The following SPAG17 variants were observed in gnomAD, a reference collection of about 807,000 sequenced individuals.
SPAG17 encodes the protein sperm associated antigen 17.
A neutral mutation model predicts 273.6 loss-of-function variants in SPAG17; 169 were observed. The ratio of observed to expected loss-of-function variants is 0.62; its 90% confidence interval spans 0.55 to 0.70. The LOEUF (loss-of-function observed/expected upper bound fraction) is 0.70. SPAG17 is among the 30% of genes least tolerant of loss of function. The pLI is 0.00. For synonymous variants in SPAG17, 825 were observed against 873.2 expected (o/e 0.94, Z 0.97); for missense variants, 2,557 against 2,627.8 (o/e 0.97, Z 0.59).
chr1:118,013,669 T>A (rs1316820282), intron 29 of SPAG17, among the ~76,000 whole-genome samples: 1 of 152,164 alleles, frequency 6.6e-6, no homozygotes. Context: ...ATGTTAGTAA[T>A]TATTGATAGC....
chr1:117,975,705 TC>T (rs1332306322), intron 43 of SPAG17, among the ~76,000 whole-genome samples: 1 of 152,200 alleles, frequency 6.6e-6, no homozygotes, highest in African/African-American at 2.4e-5. Flanking sequence ...CAAAACAGAA[TC>T]AGAATATCTG....
chr1:118,124,036 G>A (rs1013755410), intron 3 of SPAG17, among the ~76,000 whole-genome samples: 4 of 152,168 alleles, frequency 2.6e-5, no homozygotes, highest in South Asian at 2.1e-4. Context: ...GAAGGAAAAA[G>A]CAAAGCTTCC....
chr1:118,038,779 G>T (rs1649384327), intron 23 of SPAG17, among the ~76,000 whole-genome samples: 1 of 152,092 alleles, frequency 6.6e-6, no homozygotes. Flanking sequence ...AGGAGGGAGA[G>T]ATGAATAGAC....
chr1:118,080,957 G>A (rs1654503867), intron 15 of SPAG17, 144 bp downstream of exon 15: 9 of 657,094 alleles, frequency 1.4e-5, no homozygotes, highest in Middle Eastern at 4.3e-4. Context: ...AGAACTTATG[G>A]AACAACAATA....
intron 3 of SPAG17, among the ~76,000 whole-genome samples, chr1:118,135,227 A>G (rs1228049654): frequency 2.0e-5 from 3 of 152,196 alleles, no homozygotes; most frequent in Non-Finnish European, 4.4e-5. Context: ...GGCTTGCTGA[A>G]AGGCCAGGAA....
Position 118,063,126 on chromosome 1 carries a change from G to A in SPAG17, c.2540+3619C>T, listed in dbSNP as rs975350436. On this transcript the variant is annotated intron_variant, in intron 18 of 48. Transcript: ENST00000336338. The stretch of plus-strand genomic sequence containing the variant: ...AAGAACATTCCATGCTCATGGATAC[G>A]AAGAATCAGTATCGTGAAAATGGCC... 2.6e-5 allele frequency among the ~76,000 whole-genome samples: 4 copies of A among 152,248 alleles called. 1 individual carries two copies. The highest frequency in any genetic ancestry group is 4.2e-4 in the South Asian group (2 of 4,812).
At chr1:118,148,104 A>T (rs773921587) in intron 3 of SPAG17, among the ~76,000 whole-genome samples, 1 of 152,128 alleles carries the variant, frequency 6.6e-6, no homozygotes, top group Non-Finnish European at 1.5e-5. Context: ...TAACAAAAGG[A>T]ATTTGTTAGA....
chr1:118,017,321 C>A (rs1021152553), intron 28 of SPAG17, among the ~76,000 whole-genome samples: 2 of 151,844 alleles, frequency 1.3e-5, no homozygotes, highest in Non-Finnish European at 2.9e-5. Flanking sequence ...TTTTTCTAAT[C>A]AAAAAAGGTG....
At chr1:117,971,752 A>G in intron 45 of SPAG17, 111 bp downstream of exon 45, 1 of 794,764 alleles carries the variant, frequency 1.3e-6, no homozygotes, top group Non-Finnish European at 2.0e-6. Context: ...GTGAAGATTC[A>G]AGGAGTAATT....
At chr1:117,963,994 A>G in intron 47 of SPAG17, 56 bp from the exon 48 acceptor site, 2 of 1,541,150 alleles carry the variant, frequency 1.3e-6, no homozygotes, top group East Asian at 4.5e-5. Context: ...GCATATATAA[A>G]CCTAAATAAC....
At chr1:118,000,531 T>G (rs1658161311) in intron 32 of SPAG17, among the ~76,000 whole-genome samples, 1 of 152,218 alleles carries the variant, frequency 6.6e-6, no homozygotes, top group Non-Finnish European at 1.5e-5. Flanking sequence ...CTTGAAGAGG[T>G]CCTTCACATC....
intron 5 of SPAG17, 54 bp from the exon 6 acceptor site, chr1:118,099,854 G>A: frequency 6.5e-7 from 1 of 1,529,110 alleles, no homozygotes; most frequent in Non-Finnish European, 9.0e-7. Context: ...AGAGCAGGTT[G>A]CACTCAGCCA....
Position 118,163,387 on chromosome 1 carries a change from T to A in SPAG17, c.88-12018A>T, listed in dbSNP as rs528103900. 3.3e-5 allele frequency among the ~76,000 whole-genome samples: 5 copies of A among 152,144 alleles called. No homozygotes were observed. In the East Asian group the frequency reaches 7.7e-4, roughly 24 times the overall value. ...GTCCTGCTTGTCCACTGTCTGTCTATGTGGTGACCTCATTCCCACTGCCTG... is the reference window on the plus strand; with the variant it reads ...GTCCTGCTTGTCCACTGTCTGTCTAAGTGGTGACCTCATTCCCACTGCCTG... On this transcript the variant is annotated intron_variant, in intron 1 of 48. Coordinates refer to ENST00000336338, the MANE Select transcript of SPAG17 (RefSeq NM_206996.4).
intron 3 of SPAG17, among the ~76,000 whole-genome samples, chr1:118,145,010 T>C (rs571473255): frequency 6.6e-6 from 1 of 152,352 alleles, no homozygotes; most frequent in Admixed American, 6.5e-5. Flanking sequence ...CTTCCAATTC[T>C]TCCAGAATTT....
intron 22 of SPAG17, 151 bp downstream of exon 22, chr1:118,040,579 T>C: frequency 1.6e-6 from 1 of 616,774 alleles, no homozygotes; most frequent in South Asian, 2.0e-5. Flanking sequence ...GAAGAAAGTG[T>C]GAAGTCTGAA....
intron 18 of SPAG17, among the ~76,000 whole-genome samples, chr1:118,063,176 T>C (rs1193077692): frequency 6.6e-6 from 1 of 152,142 alleles, no homozygotes; most frequent in African/African-American, 2.4e-5. Flanking sequence ...AATTTATAGA[T>C]TCAATGCCAT....
chr1:118,074,606 A>G lies in SPAG17; in HGVS notation c.2210-6T>C. 5.0e-6 allele frequency: 8 copies of G among 1,613,110 alleles called. No individual in the cohort carries two copies. Among genetic ancestry groups the G allele is most frequent in the Non-Finnish European group, 6.8e-6 (8 of 1,179,348 alleles). On this transcript the variant is annotated splice_polypyrimidine_tract_variant and splice_region_variant and intron_variant, in intron 15 of 48. Transcript: ENST00000336338. ...CTCATTGTTTGTGGTCTGCTCTGCA[A>G]ATCAAAGACACCAACATCCAGTTGT...
chr1:118,014,232 G>C lies in SPAG17; in HGVS notation c.4287+1733C>G, dbSNP rs74696833. ...TAGTATATGGAAAATGCAGAGAACA[G>C]GGCCTAGTACACAGTGAGTGCTCAG... On this transcript the variant is annotated intron_variant, in intron 29 of 48. Coordinates refer to ENST00000336338, the MANE Select transcript of SPAG17 (RefSeq NM_206996.4). 4.2e-3 allele frequency among the ~76,000 whole-genome samples: 644 copies of C among 152,268 alleles called. 4 individuals are homozygous for C. The highest frequency in any genetic ancestry group is 0.015 in the African/African-American group (612 of 41,554).
At chr1:118,093,779 A>G (rs145658452) in intron 7 of SPAG17, among the ~76,000 whole-genome samples, 84 of 152,258 alleles carry the variant, frequency 5.5e-4, no homozygotes, top group African/African-American at 1.9e-3. Flanking sequence ...AGTACGTTGC[A>G]TCTACACAAG....
Sources: allele counts gnomAD v4.1 joint callset (sites outside exome capture counted in the v4.1 genomes callset), GRCh38; gene constraint gnomAD v4.1.1; transcripts MANE v1.5; gene names NCBI Gene and HGNC (gene_info 2026-07-23, HGNC 2026-07-21).